Variants in POF1B observed in about 807,000 individuals in gnomAD.
POF1B encodes POF1B actin binding protein, also known as protein POF1B.
Under a neutral mutation model 55.3 loss-of-function variants are expected in POF1B, and 53 were observed. That is an observed-to-expected ratio of 0.96 (90% CI 0.77 to 1.20). The LOEUF is 1.20. Ranked by LOEUF, POF1B falls within the 50% of genes most tolerant of loss-of-function variation. The pLI, the probability that POF1B is intolerant of heterozygous loss-of-function variation, is 0.00. For missense variants in POF1B, 478 were observed against 420.5 expected (o/e 1.14, Z -1.20); for synonymous variants, 188 against 148.3 (o/e 1.27, Z -1.95).
intron 10 of POF1B, 70 bp downstream of exon 10, chrX:85,308,054 G>A: frequency 1.6e-6 from 1 of 608,955 alleles, no homozygotes; most frequent in Non-Finnish European, 2.6e-6. Flanking sequence ...ACATATACTG[G>A]ACATCTTTAT....
intron 5 of POF1B, among the ~76,000 whole-genome samples, chrX:85,350,130 C>T (rs1254011256): frequency 9.1e-6 from 1 of 109,738 alleles, no homozygotes; most frequent in Non-Finnish European, 1.9e-5. Context: ...TGTGCTGCAC[C>T]CACTAACTCG....
chrX:85,280,349 T>C (rs1723348518), intron 16 of POF1B, among the ~76,000 whole-genome samples: 1 of 111,655 alleles, frequency 9.0e-6, no homozygotes, highest in African/African-American at 3.2e-5. Context: ...TATTTGTATA[T>C]TTGTCTATTG....
At chrX:85,329,473 T>C (rs908449582) in intron 7 of POF1B, among the ~76,000 whole-genome samples, 2 of 110,932 alleles carry the variant, frequency 1.8e-5, no homozygotes, top group African/African-American at 6.6e-5. Flanking sequence ...GGCATAACAG[T>C]AATGAAGGCA....
At chrX:85,319,747 C>T (rs1054495540) in intron 7 of POF1B, among the ~76,000 whole-genome samples, 72 of 110,958 alleles carry the variant, frequency 6.5e-4, no homozygotes, top group Admixed American at 3.0e-3. Context: ...ATTAGCTTTT[C>T]GATGTGCTGC....
At chrX:85,354,046 A>G (rs1265713927) in intron 4 of POF1B, among the ~76,000 whole-genome samples, 1 of 110,675 alleles carries the variant, frequency 9.0e-6, no homozygotes, top group Non-Finnish European at 1.9e-5. Context: ...CATAAAACCT[A>G]TATTTCAGTT....
chrX:85,315,013 T>C (rs960501039), intron 8 of POF1B, among the ~76,000 whole-genome samples: 3 of 111,493 alleles, frequency 2.7e-5, no homozygotes, highest in Non-Finnish European at 5.7e-5. Context: ...ACCACAACAC[T>C]GAAACAGCTT....
chrX:85,358,392 A>T (rs1167233262), intron 4 of POF1B, among the ~76,000 whole-genome samples: 1 of 111,086 alleles, frequency 9.0e-6, no homozygotes, highest in Non-Finnish European at 1.9e-5. Context: ...TGCTCCTTTA[A>T]TTGGGGAAAC....
At position 85,282,168 on chromosome X, in the gene POF1B, T is replaced by A. The variant is rs758090198; in HGVS notation, c.1764+35A>T. 28 of 1,166,317 alleles carry A rather than the reference T, an allele frequency of 2.4e-5. No homozygotes were observed. In the Admixed American group the frequency reaches 5.8e-4, roughly 24 times the overall value. Reference sequence around the variant, plus strand: ...ATTTTAAAAGGCTGTACATATATCGTCAAAATAGGGCTAAAAATGCCCAAG... The same window carrying A: ...ATTTTAAAAGGCTGTACATATATCGACAAAATAGGGCTAAAAATGCCCAAG... On this transcript the variant is annotated intron_variant, in intron 16 of 16. Transcript: ENST00000262753.
chrX:85,355,723 G>A (rs1017348725), intron 4 of POF1B, among the ~76,000 whole-genome samples: 2 of 111,969 alleles, frequency 1.8e-5, no homozygotes, highest in Non-Finnish European at 1.9e-5. Flanking sequence ...CATCGTCACT[G>A]GCCATCAGAG....
chrX:85,331,177 C>A, intron 6 of POF1B, 98 bp from the exon 7 acceptor site: 1 of 892,604 alleles, frequency 1.1e-6, no homozygotes, highest in South Asian at 3.8e-5. Flanking sequence ...CTACTAAAGT[C>A]ATCACATAAA....
chrX:85,298,476 A>G (rs761528473), intron 15 of POF1B, among the ~76,000 whole-genome samples: 17 of 111,785 alleles, frequency 1.5e-4, no homozygotes, highest in African/African-American at 5.5e-4. Flanking sequence ...GTTCAGGACC[A>G]GGAACTAATC....
intron 6 of POF1B, among the ~76,000 whole-genome samples, chrX:85,338,786 T>TA (rs200519357): frequency 0.036 from 4,031 of 110,649 alleles, 162 homozygotes; most frequent in African/African-American, 0.11. Context: ...ACAGAGCAGT[T>TA]AAAAAAATGA....
rs747737586 is a variant in POF1B at position 85,357,690 on chromosome X, A to C, written c.438+1860T>G. On this transcript the variant is annotated intron_variant, in intron 4 of 16. Coordinates refer to ENST00000262753, the MANE Select transcript of POF1B (RefSeq NM_024921.4). ...TCTCTGATAACCCCTCTGTCTGTGA[A>C]AGTGGTTCCTTCCTTCTATTCACTT... Among the ~76,000 whole-genome samples the C allele has an allele frequency of 9.9e-5, 11 of 110,693 alleles. No individual in the cohort carries two copies. The East Asian group carries it at 3.2e-3, about 32-fold the overall frequency.
chrX:85,282,994 G>C (rs1436062749), intron 15 of POF1B, among the ~76,000 whole-genome samples: 1 of 111,513 alleles, frequency 9.0e-6, no homozygotes, highest in African/African-American at 3.3e-5. Flanking sequence ...GAGGCCATCA[G>C]ATAGATACTG....
chrX:85,346,431 T>A (rs1432960681), intron 5 of POF1B, among the ~76,000 whole-genome samples: 2 of 110,252 alleles, frequency 1.8e-5, no homozygotes, highest in Admixed American at 9.8e-5. Context: ...TATAGGTAAA[T>A]TTAAAATTAA....
At chrX:85,348,538 A>G (rs1053547261) in intron 5 of POF1B, among the ~76,000 whole-genome samples, 7 of 110,648 alleles carry the variant, frequency 6.3e-5, no homozygotes, top group Admixed American at 1.9e-4. Context: ...TACGGTAAAC[A>G]GGTTCATCCA....
In POF1B at chrX:85,345,548, T is replaced by C. The variant is rs145099066; in HGVS notation, c.723+312A>G. The stretch of plus-strand genomic sequence containing the variant: ...CAATTTATTGTTCATTTAAATACCA[T>C]ACCTCGTGAAAATATTTAACATTGC... On this transcript the variant is annotated intron_variant, in intron 6 of 16. Coordinates refer to ENST00000262753, the MANE Select transcript of POF1B (RefSeq NM_024921.4). Among the ~76,000 whole-genome samples the C allele has an allele frequency of 6.3e-3, 705 of 111,417 alleles. 2 individuals are homozygous for C. Among genetic ancestry groups the C allele is most frequent in the Middle Eastern group, 0.019 (4 of 214 alleles).
At chrX:85,367,066 C>A (rs1933736671) in intron 3 of POF1B, among the ~76,000 whole-genome samples, 1 of 111,027 alleles carries the variant, frequency 9.0e-6, no homozygotes, top group Admixed American at 9.6e-5. Context: ...ATCCCATAAC[C>A]CCTTTACTCC....
intron 7 of POF1B, among the ~76,000 whole-genome samples, chrX:85,327,766 G>C (rs1351607928): frequency 8.9e-6 from 1 of 112,266 alleles, no homozygotes; most frequent in Non-Finnish European, 1.9e-5. Flanking sequence ...GCATTTAAAA[G>C]ATACTAATCC....
Sources: allele counts gnomAD v4.1 joint callset (sites outside exome capture counted in the v4.1 genomes callset), GRCh38; gene constraint gnomAD v4.1.1; transcripts MANE v1.5; gene names NCBI Gene and HGNC (gene_info 2026-07-23, HGNC 2026-07-21).